Variants in NGEF observed in about 807,000 individuals in gnomAD.
NGEF encodes ephexin-1.
A neutral mutation model predicts 80.9 loss-of-function variants in NGEF; 31 were observed. That is an observed-to-expected ratio of 0.38 (90% confidence interval 0.29 to 0.52). The LOEUF (loss-of-function observed/expected upper bound fraction) is 0.52. Among genes scored for constraint, NGEF ranks in the 20% least tolerant of loss-of-function variants. The pLI is 0.84. For synonymous variants in NGEF, 371 were observed against 370.2 expected (o/e 1.00, Z -0.03); for missense variants, 709 against 926.2 (o/e 0.77, Z 3.04).
At chr2:232,980,139 G>A (rs1022594395) in intron 1 of NGEF, among the ~76,000 whole-genome samples, 2 of 152,180 alleles carry the variant, frequency 1.3e-5, no homozygotes, top group Non-Finnish European at 2.9e-5. Flanking sequence ...CCAGGAGGGG[G>A]CTCTATTTGG....
chr2:232,976,093 C>T lies in NGEF; in HGVS notation c.-74-1129G>A, dbSNP rs1254750804. On this transcript the variant is annotated intron_variant, in intron 1 of 14. Transcript: ENST00000264051. ...GCACATGCCTGTAGTCCCAGCTTCTCGGGAGGCTGAGGCAGGAGAATCGCT... is the reference window on the plus strand; with the variant it reads ...GCACATGCCTGTAGTCCCAGCTTCTTGGGAGGCTGAGGCAGGAGAATCGCT... Among the ~76,000 whole-genome samples the T allele has an allele frequency of 2.0e-5, 3 of 151,998 alleles. 1 individual carries two copies. Among genetic ancestry groups the T allele is most frequent in the South Asian group, 4.2e-4 (2 of 4,810 alleles).
rs1179952022 is a variant in NGEF at position 232,899,967 on chromosome 2, CAT to C, written c.829-5053_829-5052del. 1.5e-4 allele frequency among the ~76,000 whole-genome samples: 18 copies of C among 122,022 alleles called. 2 individuals carry two copies. The highest frequency in any genetic ancestry group is 2.9e-4 in the South Asian group (1 of 3,414). 80.1% of individuals were successfully genotyped at this position (122,022 alleles called of 152,430 possible). On this transcript the variant is annotated intron_variant, in intron 5 of 14. Coordinates refer to ENST00000264051, the MANE Select transcript of NGEF (RefSeq NM_019850.3). ...TTACACACATGCTCTCACAGTCACT[CAT>C]ATACACATTCACTCATTCACTCACA...
intron 5 of NGEF, among the ~76,000 whole-genome samples, chr2:232,902,565 TTAC>T: frequency 6.6e-6 from 1 of 152,342 alleles, no homozygotes; most frequent in Non-Finnish European, 1.5e-5. Context: ...CAAATGCCAA[TTAC>T]TACGTTTTCT....
chr2:232,947,111 C>G (rs1328130944), intron 3 of NGEF, among the ~76,000 whole-genome samples: 1 of 152,186 alleles, frequency 6.6e-6, no homozygotes, highest in Non-Finnish European at 1.5e-5. Flanking sequence ...CAAACCATCA[C>G]TCTACAGATA....
intron 9 of NGEF, among the ~76,000 whole-genome samples, chr2:232,887,807 C>G (rs909395689): frequency 6.6e-6 from 1 of 152,184 alleles, no homozygotes; most frequent in African/African-American, 2.4e-5. Context: ...GCGGTGAGTA[C>G]GTAAGGCTGG....
intron 3 of NGEF, among the ~76,000 whole-genome samples, chr2:232,934,286 G>A (rs1162115051): frequency 6.6e-6 from 1 of 151,290 alleles, no homozygotes; most frequent in Admixed American, 6.6e-5. Flanking sequence ...AACACTCTAT[G>A]GGCAAACATA....
intron 3 of NGEF, 83 bp from the exon 4 acceptor site, chr2:232,927,269 G>A: frequency 7.0e-7 from 1 of 1,433,980 alleles, no homozygotes; most frequent in Non-Finnish European, 9.2e-7. Context: ...CGTGCGCACA[G>A]GCGGCTGCTA....
intron 1 of NGEF, among the ~76,000 whole-genome samples, chr2:232,998,002 C>T (rs988984635): frequency 6.6e-6 from 1 of 152,184 alleles, no homozygotes; most frequent in African/African-American, 2.4e-5. Context: ...CACCTGCAGC[C>T]CCTCTCTGCC....
intron 3 of NGEF, among the ~76,000 whole-genome samples, chr2:232,939,716 G>T (rs1013317890): frequency 6.6e-6 from 1 of 152,044 alleles, no homozygotes; most frequent in Non-Finnish European, 1.5e-5. Context: ...TTGGTGTCTC[G>T]GCCGGGCACG....
At chr2:232,931,595 C>T (rs898528907) in intron 3 of NGEF, among the ~76,000 whole-genome samples, 1 of 152,174 alleles carries the variant, frequency 6.6e-6, no homozygotes, top group South Asian at 2.1e-4. Context: ...GTGTGATGGA[C>T]AGACCATTTG....
chr2:232,928,091 G>T (rs1308331392), intron 3 of NGEF: 4 of 1,088,862 alleles, frequency 3.7e-6, no homozygotes, highest in East Asian at 1.1e-4. Context: ...CTGCGGAGCG[G>T]GGTCGCAGCG....
At chr2:232,914,923 C>T (rs182537501) in intron 5 of NGEF, among the ~76,000 whole-genome samples, 22 of 147,678 alleles carry the variant, frequency 1.5e-4, no homozygotes, top group African/African-American at 2.8e-4. Flanking sequence ...AGGCTGAGGC[C>T]GAAGAATCGC....
intron 3 of NGEF, among the ~76,000 whole-genome samples, chr2:232,938,577 C>T (rs995934029): frequency 2.0e-5 from 3 of 151,904 alleles, no homozygotes; most frequent in African/African-American, 4.8e-5. Context: ...TAGAAGCATC[C>T]TGAAGCAAGG....
intron 5 of NGEF, among the ~76,000 whole-genome samples, chr2:232,905,491 G>T (rs1267880886): frequency 2.6e-5 from 4 of 152,238 alleles, no homozygotes; most frequent in Non-Finnish European, 5.9e-5. Context: ...GCCCCCCAAA[G>T]TGCGGAGATT....
rs762542973 is a variant in NGEF at position 232,935,243 on chromosome 2, G to A, written c.384-8057C>T. On this transcript the variant is annotated intron_variant, in intron 3 of 14. Transcript: ENST00000264051. Reference sequence around the variant, plus strand: ...TCCTGAGGGAGAATCTCTGGAATTGGAAGGAAGTGGATGGAAGCTGAGATT... The same window carrying A: ...TCCTGAGGGAGAATCTCTGGAATTGAAAGGAAGTGGATGGAAGCTGAGATT... Among the ~76,000 whole-genome samples the A allele has an allele frequency of 9.3e-4, 141 of 152,266 alleles. 1 individual carries two copies. Among genetic ancestry groups the A allele is most frequent in the Non-Finnish European group, 1.4e-3 (98 of 68,020 alleles).
In NGEF at chr2:232,950,927, C is replaced by T. The variant is rs147752303; in HGVS notation, c.383+19287G>A. Among the ~76,000 whole-genome samples, 661 of 152,254 alleles carry T rather than the reference C, an allele frequency of 4.3e-3. 5 individuals carry two copies. The highest frequency in any genetic ancestry group is 0.015 in the African/African-American group (620 of 41,546). ...TGATGAATGTACATTAACTGCCAAC[C>T]GCTCAGTAATTTATTTATTCAATGC... On this transcript the variant is annotated intron_variant, in intron 3 of 14. Transcript: ENST00000264051.
intron 1 of NGEF, among the ~76,000 whole-genome samples, chr2:232,991,657 T>C (rs1247904606): frequency 3.9e-5 from 6 of 152,160 alleles, no homozygotes; most frequent in African/African-American, 9.7e-5. Context: ...ATTGTTAAGA[T>C]GGCAATACTC....
chr2:232,879,206 C>T lies in NGEF; in HGVS notation c.*283G>A. 1 of 338,944 alleles carries T rather than the reference C, an allele frequency of 3.0e-6. No individual in the cohort carries two copies. The highest frequency in any genetic ancestry group is 6.6e-5 in the South Asian group (1 of 15,252). 21.0% of individuals were successfully genotyped at this position (338,944 alleles called of 1,614,324 possible). The stretch of plus-strand genomic sequence containing the variant: ...TGGGGGGCCCTGGAGTGTGCCCACC[C>T]CCTTCCACCCCCTCGGAGGCATGAG... On this transcript the variant is annotated 3_prime_UTR_variant, in exon 15 of 15. Transcript: ENST00000264051.
chr2:232,910,515 A>G (rs1692669992), intron 5 of NGEF, among the ~76,000 whole-genome samples: 2 of 152,180 alleles, frequency 1.3e-5, no homozygotes, highest in African/African-American at 4.8e-5. Flanking sequence ...GTGATGCACA[A>G]GGCAGCCCCT....
Sources: gnomAD v4.1 joint callset for allele counts (sites outside exome capture counted in the v4.1 genomes callset) on GRCh38, gnomAD v4.1.1 for gene constraint, MANE v1.5 for transcripts, NCBI Gene and HGNC (gene_info 2026-07-23, HGNC 2026-07-21) for gene names.